PRKAG2: variants seen among roughly 807,000 people sequenced by gnomAD.
The protein encoded by PRKAG2 is 5'-AMP-activated protein kinase subunit gamma-2.
In PRKAG2, 26 loss-of-function variants were observed where a neutral mutation model predicts 69.6. The observed-to-expected ratio is 0.37, with a 90% CI of 0.27 to 0.52. PRKAG2 has a LOEUF of 0.52. PRKAG2 is among the 20% of genes least tolerant of loss of function. PRKAG2 has a pLI of 0.90. For synonymous variants in PRKAG2, 293 were observed against 285.0 expected, an observed-to-expected ratio of 1.03 and a Z score of -0.28; for missense variants, 557 against 740.0, an observed-to-expected ratio of 0.75 and a Z score of 2.87.
At chr7:151,579,143 G>C (rs917259943) in intron 6 of PRKAG2, among the ~76,000 whole-genome samples, 1 of 152,162 alleles carries the variant, frequency 6.6e-6, no homozygotes, top group Non-Finnish European at 1.5e-5. Flanking sequence ...TCCCACCTCA[G>C]CCTTCCAAGT....
intron 3 of PRKAG2, among the ~76,000 whole-genome samples, chr7:151,709,536 TG>T (rs1478206893): frequency 1.3e-5 from 2 of 152,026 alleles, no homozygotes; most frequent in Non-Finnish European, 2.9e-5. Context: ...CTGTGTGACA[TG>T]GTGACATTGA....
At chr7:151,782,341 G>GC (rs2076735666) in intron 2 of PRKAG2, among the ~76,000 whole-genome samples, 1 of 26,830 alleles carries the variant, frequency 3.7e-5, no homozygotes, top group Non-Finnish European at 8.2e-5. Flanking sequence ...AGGAAGGAAG[G>GC]AGGGAGGGAG....
chr7:151,582,538 G>C (rs1050720962), intron 6 of PRKAG2, among the ~76,000 whole-genome samples: 2 of 152,178 alleles, frequency 1.3e-5, no homozygotes, highest in Non-Finnish European at 2.9e-5. Flanking sequence ...GTGCAAAGTG[G>C]TATCTCTTCT....
chr7:151,603,498 C>T (rs1816706381), intron 5 of PRKAG2, among the ~76,000 whole-genome samples: 2 of 89,854 alleles, frequency 2.2e-5, no homozygotes, highest in Non-Finnish European at 4.2e-5. Flanking sequence ...CCGTCCTCAC[C>T]GCACACGGAG....
chr7:151,758,899 C>T (rs573639109), intron 3 of PRKAG2, among the ~76,000 whole-genome samples: 1 of 152,292 alleles, frequency 6.6e-6, no homozygotes, highest in African/African-American at 2.4e-5. Context: ...TGAAGGAGGT[C>T]TCTGAGGAGG....
At chr7:151,619,404 G>A (rs543825087) in intron 5 of PRKAG2, among the ~76,000 whole-genome samples, 2 of 152,112 alleles carry the variant, frequency 1.3e-5, no homozygotes, top group Non-Finnish European at 1.5e-5. Flanking sequence ...AAAACTTTCC[G>A]AGTGCCAACA....
At chr7:151,742,785 C>T (rs1002399771) in intron 3 of PRKAG2, among the ~76,000 whole-genome samples, 2 of 152,226 alleles carry the variant, frequency 1.3e-5, no homozygotes, top group Non-Finnish European at 2.9e-5. Flanking sequence ...CCCGAGGCCA[C>T]TTCTAGGTGG....
intron 1 of PRKAG2, among the ~76,000 whole-genome samples, chr7:151,826,815 C>T (rs1471341487): frequency 1.3e-5 from 2 of 152,180 alleles, no homozygotes; most frequent in African/African-American, 4.8e-5. Context: ...AAATAAAACA[C>T]CATTGCAATT....
intron 3 of PRKAG2, among the ~76,000 whole-genome samples, chr7:151,679,884 G>A (rs1833575619): frequency 6.7e-6 from 1 of 149,242 alleles, no homozygotes; most frequent in African/African-American, 2.5e-5. Context: ...GGGCAACATG[G>A]CAAGACCCTG....
chr7:151,671,202 G>GTGCTGTCT (rs1831991326), intron 4 of PRKAG2, among the ~76,000 whole-genome samples: 1 of 145,058 alleles, frequency 6.9e-6, no homozygotes, highest in Non-Finnish European at 1.5e-5. Flanking sequence ...AAAAAAAGGA[G>GTGCTGTCT]TGCTGTCTTC....
chr7:151,848,410 T>C (rs926218112), intron 1 of PRKAG2, among the ~76,000 whole-genome samples: 5 of 151,544 alleles, frequency 3.3e-5, no homozygotes, highest in Non-Finnish European at 7.4e-5. Flanking sequence ...TCTCGGACTT[T>C]CCAGCCTCCA....
At chr7:151,558,425 A>G (rs1804239359) in intron 15 of PRKAG2, 1 of 985,244 alleles carries the variant, frequency 1.0e-6, no homozygotes, top group Non-Finnish European at 1.2e-6. Context: ...TTTCATAGCA[A>G]CATAGGAGGG....
intron 3 of PRKAG2, among the ~76,000 whole-genome samples, chr7:151,693,664 G>A (rs1476856746): frequency 3.9e-5 from 6 of 152,274 alleles, no homozygotes; most frequent in Admixed American, 1.3e-4. Context: ...AATTCTACCC[G>A]CAAGGTGATG....
Position 151,669,881 on chromosome 7 carries a change from G to C in PRKAG2, c.684+5539C>G, listed in dbSNP as rs28367285. Reference sequence around the variant, plus strand: ...GCATGCATACATACTTGCACACACAGTTGCATGCACACACACCTGCATGCA... The same window carrying C: ...GCATGCATACATACTTGCACACACACTTGCATGCACACACACCTGCATGCA... On this transcript the variant is annotated intron_variant, in intron 4 of 15. Transcript: ENST00000287878. Among the ~76,000 whole-genome samples the C allele has an allele frequency of 1.5e-3, 8 of 5,492 alleles. No individual in the cohort carries two copies. In the South Asian group the frequency reaches 0.024, roughly 16 times the overall value. The allele number at this position is 5,492 out of a possible 152,430, so 3.6% of individuals were successfully genotyped here. A position where few individuals can be genotyped will look rare whatever the true frequency, so the allele number is the denominator to read the frequency against.
intron 6 of PRKAG2, among the ~76,000 whole-genome samples, chr7:151,588,655 C>T (rs1812282787): frequency 6.6e-6 from 1 of 152,128 alleles, no homozygotes; most frequent in Non-Finnish European, 1.5e-5. Context: ...ACACCGCACC[C>T]AGCGATCTGA....
At chr7:151,735,919 C>T (rs1283793673) in intron 3 of PRKAG2, 22 of 1,536,182 alleles carry the variant, frequency 1.4e-5, no homozygotes, top group East Asian at 2.4e-5. Context: ...CATGAGGCTC[C>T]GACTGGCGCC....
rs144514587 is a variant in PRKAG2 at position 151,621,875 on chromosome 7, G to A, written c.754+10194C>T. On this transcript the variant is annotated intron_variant, in intron 5 of 15. Coordinates refer to ENST00000287878, the MANE Select transcript of PRKAG2 (RefSeq NM_016203.4). ...CAGGCGTGAACCACCATGCCCGGCC[G>A]GTGTGCTTTGATCAACGTTACTTTT... 1.6e-3 allele frequency among the ~76,000 whole-genome samples: 236 copies of A among 152,128 alleles called. 1 individual carries two copies. The highest frequency in any genetic ancestry group is 5.5e-3 in the African/African-American group (227 of 41,514).
At position 151,736,217 on chromosome 7, in the gene PRKAG2, G is replaced by A. The variant is rs58772035; in HGVS notation, c.466+44935C>T. 0.012 allele frequency: 16,687 copies of A among 1,392,936 alleles called. 1,259 individuals are homozygous for A. In the African/African-American group the frequency reaches 0.18, roughly 15 times the overall value. 86.3% of individuals were successfully genotyped at this position (1,392,936 alleles called of 1,614,324 possible). A position where few individuals can be genotyped will look rare whatever the true frequency, so the allele number is the denominator to read the frequency against. On this transcript the variant is annotated intron_variant, in intron 3 of 15. Transcript: ENST00000287878. ...ACCGCAGCCCCAGAGTCTGTGAGGCGCCAGGGAGTGGAGCCGTCCTGACGG... is the reference window on the plus strand; with the variant it reads ...ACCGCAGCCCCAGAGTCTGTGAGGCACCAGGGAGTGGAGCCGTCCTGACGG...
At chr7:151,679,767 G>A (rs1030250829) in intron 3 of PRKAG2, among the ~76,000 whole-genome samples, 1 of 151,892 alleles carries the variant, frequency 6.6e-6, no homozygotes, top group African/African-American at 2.4e-5. Context: ...AGCAGGGCAT[G>A]ATCAAAACTA....
Sources: allele counts gnomAD v4.1 joint callset (sites outside exome capture counted in the v4.1 genomes callset), GRCh38; gene constraint gnomAD v4.1.1; transcripts MANE v1.5; gene names NCBI Gene and HGNC (gene_info 2026-07-23, HGNC 2026-07-21).